DDX3Y: variants seen among roughly 807,000 people sequenced by gnomAD.
DDX3Y encodes DEAD-box helicase 3 Y-linked, also known as ATP-dependent RNA helicase DDX3Y.
A neutral mutation model predicts 15.1 loss-of-function variants in DDX3Y; 2 were observed. That is an observed-to-expected ratio of 0.13 (90% CI 0.05 to 0.42). The LOEUF (loss-of-function observed/expected upper bound fraction) is 0.42, where lower values mean the gene tolerates loss of function less well. Among genes scored for constraint, DDX3Y ranks in the 10% least tolerant of loss-of-function variants. DDX3Y has a pLI of 0.99. For synonymous variants in DDX3Y, 47 were observed against 45.0 expected (o/e 1.04, Z -0.18); for missense variants, 81 against 149.9 (o/e 0.54, Z 2.40).
chrY:12,907,718 A>G (rs2148296614), intron 2 of DDX3Y, 124 bp downstream of exon 2: 1 of 113,297 alleles, frequency 8.8e-6, no homozygotes, highest in Non-Finnish European at 1.6e-5. Flanking sequence ...AATATGAGAT[A>G]TTTTGGTGTG....
Position 12,910,151 on chromosome Y carries a change from C to T in DDX3Y, c.151+744C>T, listed in dbSNP as rs781205571. On this transcript the variant is annotated intron_variant, in intron 3 of 16. Coordinates refer to ENST00000336079, the MANE Select transcript of DDX3Y (RefSeq NM_004660.5). The stretch of plus-strand genomic sequence containing the variant: ...TTAGCTAATGATTGTATTATTTTTT[C>T]AGAATAACTGGAGAATTGTTATTCT... 1.5e-4 allele frequency among the ~76,000 whole-genome samples: 5 copies of T among 32,959 alleles called. No homozygotes were observed. In the South Asian group the frequency reaches 3.3e-3, roughly 22 times the overall value. 88.4% of individuals were successfully genotyped at this position (32,959 alleles called of 37,273 possible). A position where few individuals can be genotyped will look rare whatever the true frequency, so the allele number is the denominator to read the frequency against.
intron 1 of DDX3Y, chrY:12,905,597 G>A: frequency 9.6e-6 from 1 of 103,744 alleles, no homozygotes; most frequent in Non-Finnish European, 2.0e-5. Context: ...AACGTAACAA[G>A]TATCCTGTAT....
At position 12,904,918 on chromosome Y, in the gene DDX3Y, T is replaced by A. The variant is rs777777217; in HGVS notation, c.-19T>A. ...TCACACCTACAGTGGACTACCCGAT[T>A]TTTCGCTTCTCTTCAGGGATGAGTC... On this transcript the variant is annotated 5_prime_UTR_variant, in exon 1 of 17. Transcript: ENST00000336079. The A allele has an allele frequency of 2.5e-6, 1 of 396,933 alleles. No individual in the cohort carries two copies. Among genetic ancestry groups the A allele is most frequent in the Non-Finnish European group, 3.5e-6 (1 of 282,861 alleles).
intron 1 of DDX3Y, chrY:12,905,815 G>A: frequency 6.5e-6 from 2 of 306,089 alleles, no homozygotes; most frequent in African/African-American, 7.1e-5. Flanking sequence ...ACACCTGGAA[G>A]GTTAGAGATC....
At chrY:12,917,590 T>C (rs1298904272) in intron 16 of DDX3Y, 48 bp downstream of exon 16, 2 of 341,416 alleles carry the variant, frequency 5.9e-6, no homozygotes, top group East Asian at 1.1e-4. Flanking sequence ...TTTCTTTTTT[T>C]TTTTTTTTTG....
rs2053637707 is a variant in DDX3Y at position 12,914,064 on chromosome Y, ATCT to A, written c.673+216_673+218del. Among the ~76,000 whole-genome samples the A allele has an allele frequency of 8.7e-5, 3 of 34,322 alleles. No homozygotes were observed. The South Asian group carries it at 1.9e-3, about 21-fold the overall frequency. 92.1% of individuals were successfully genotyped at this position (34,322 alleles called of 37,273 possible). A position where few individuals can be genotyped will look rare whatever the true frequency, so the allele number is the denominator to read the frequency against. On this transcript the variant is annotated intron_variant, in intron 7 of 16. Transcript: ENST00000336079. ...ACATCTTGAGGAAGCTTATGGCAAA[ATCT>A]TCTTTAAGAAATAGAACTGCGTATT...
At position 12,918,573 on chromosome Y, in the gene DDX3Y, G is replaced by A. The variant is rs2053657835; in HGVS notation, c.*451G>A. The A allele has an allele frequency of 2.9e-5, 1 of 33,977 alleles. No homozygotes were observed. The highest frequency in any genetic ancestry group is 7.3e-5 in the Non-Finnish European group (1 of 13,781). 8.5% of individuals were successfully genotyped at this position (33,977 alleles called of 400,897 possible). A position where few individuals can be genotyped will look rare whatever the true frequency, so the allele number is the denominator to read the frequency against. On this transcript the variant is annotated 3_prime_UTR_variant, in exon 17 of 17. Transcript: ENST00000336079. Reference sequence around the variant, plus strand: ...CAGAGGTATGATACAACTTTAACAGGAGTCATCAATTCATCCATAAATATA... The same window carrying A: ...CAGAGGTATGATACAACTTTAACAGAAGTCATCAATTCATCCATAAATATA...
upstream of DDX3Y, among the ~76,000 whole-genome samples, chrY:12,904,632 G>A: frequency 3.0e-5 from 1 of 33,747 alleles, no homozygotes; most frequent in African/African-American, 1.2e-4. Context: ...ATTAGGAGAG[G>A]GCGGGGATAG....
rs753324813 is a variant in DDX3Y, at chrY:12,917,027, A to G, written c.1730A>G (p.His577Arg). ...TTGGAAAATATGGCTTATGAACACC[A>G]CTACAAGGGTGGCAGTCGTGGACGA... is the stretch of plus-strand genomic sequence containing the variant. ...SWLENMAYEH[H>R]YKGGSRGRSK... Residue 577 changes from histidine (H) to arginine (R), a missense_variant, in exon 15 of 17, where the codon CAC (histidine) becomes CGC (arginine). By Grantham distance (29) the His-to-Arg change is conservative. This residue lies in a region of DDX3Y where 52 missense variants were observed against 122.8 expected (regional missense o/e 0.42). Transcript: ENST00000336079. The G allele has an allele frequency of 2.5e-6, 1 of 398,331 alleles. No homozygotes were observed. Among genetic ancestry groups the G allele is most frequent in the Non-Finnish European group, 3.5e-6 (1 of 283,060 alleles).
chrY:12,906,378 C>T (rs2053611688), intron 1 of DDX3Y, among the ~76,000 whole-genome samples: 1 of 33,433 alleles, frequency 3.0e-5, no homozygotes, highest in Non-Finnish European at 7.4e-5. Flanking sequence ...CCACTGACGA[C>T]GTATTAACGC....
chrY:12,909,994 C>G, intron 3 of DDX3Y, among the ~76,000 whole-genome samples: 3 of 32,632 alleles, frequency 9.2e-5, no homozygotes, highest in Non-Finnish European at 1.5e-4. Context: ...CAAAAAAATT[C>G]TAGGAGAAGG....
rs759702531 is a variant in DDX3Y at position 12,908,545 on chromosome Y, A to G, written c.104-815A>G. Among the ~76,000 whole-genome samples the G allele has an allele frequency of 1.5e-4, 5 of 34,482 alleles. No individual in the cohort carries two copies. The East Asian group carries it at 3.0e-3, about 21-fold the overall frequency. The allele number at this position is 34,482 out of a possible 37,273, so 92.5% of individuals were successfully genotyped here. ...AAAATCAGGTAGTTAAGTACTGTCT[A>G]CTTCATAAGTTCTTTTACTTCTTAA... On this transcript the variant is annotated intron_variant, in intron 2 of 16. Transcript: ENST00000336079.
chrY:12,908,830 C>A, intron 2 of DDX3Y, among the ~76,000 whole-genome samples: 1 of 32,981 alleles, frequency 3.0e-5, no homozygotes, highest in Non-Finnish European at 7.5e-5. Context: ...CTGCAGGTGC[C>A]GGCCACCATG....
chrY:12,906,724 G>T (rs2053612642), intron 1 of DDX3Y, among the ~76,000 whole-genome samples: 1 of 32,450 alleles, frequency 3.1e-5, no homozygotes, highest in South Asian at 6.9e-4. Context: ...AACGTACATG[G>T]TTTTTTCCCC....
At chrY:12,907,819 C>T (rs2053616603) in intron 2 of DDX3Y, among the ~76,000 whole-genome samples, 1 of 33,395 alleles carries the variant, frequency 3.0e-5, no homozygotes, top group African/African-American at 1.2e-4. Context: ...GTCCCAGCTA[C>T]TCATGAGGCT....
Position 12,915,598 on chromosome Y carries a change from A to G in DDX3Y, c.1020-32A>G, listed in dbSNP as rs9341304. The G allele has an allele frequency of 2.4e-5, 9 of 381,869 alleles. No individual in the cohort carries two copies. The Admixed American group carries it at 6.7e-4, about 28-fold the overall frequency. On this transcript the variant is annotated intron_variant, in intron 10 of 16. Transcript: ENST00000336079. ...TAGTAATTAGTTTCTCAGATCTAATAATCCAGTATCAACTGAGGGTTTTCG... is the reference window on the plus strand; with the variant it reads ...TAGTAATTAGTTTCTCAGATCTAATGATCCAGTATCAACTGAGGGTTTTCG...
rs2053657370 is a variant in DDX3Y at position 12,918,434 on chromosome Y, T to C, written c.*312T>C. 1 of 44,739 alleles carries C rather than the reference T, an allele frequency of 2.2e-5. No homozygotes were observed. Among genetic ancestry groups the C allele is most frequent in the African/African-American group, 1.1e-4 (1 of 9,072 alleles). 11.2% of individuals were successfully genotyped at this position (44,739 alleles called of 400,897 possible). ...CGTTTGTTTGTTAACGTACTGTGAC[T>C]TTAACTTTAGACAACTTACTACTTT... On this transcript the variant is annotated 3_prime_UTR_variant, in exon 17 of 17. Transcript: ENST00000336079.
At position 12,913,801 on chromosome Y, in the gene DDX3Y, T is replaced by C; in HGVS notation, c.621T>C (p.His207=). ...CTCGTCCTACTCCAGTGCAAAAACA[T>C]GCCATTCCTATTATTAAGGGAAAAA... ...RYTRPTPVQK[H]AIPIIKGKRD... The change falls in exon 7 of 17, where the codon CAT becomes CAC. Residue 207 remains histidine, a synonymous_variant. Transcript: ENST00000336079. 2 of 397,497 alleles carry C rather than the reference T, an allele frequency of 5.0e-6. No homozygotes were observed. Among genetic ancestry groups the C allele is most frequent in the Non-Finnish European group, 3.5e-6 (1 of 282,361 alleles).
Position 12,904,973 on chromosome Y carries a change from G to C in DDX3Y, c.37G>C (p.Asp13His), listed in dbSNP as rs1475500284. The change falls in exon 1 of 17, where the codon GAC becomes CAC. Residue 13 changes from aspartate to histidine, a missense_variant. Around this residue, in one of 2 missense-constraint regions of DDX3Y, gnomAD observed 29 missense variants for 27.1 expected, o/e 1.07. Coordinates refer to ENST00000336079, the MANE Select transcript of DDX3Y (RefSeq NM_004660.5). ...GGTGGTGAAAAATGACCCTGAACTG[G>C]ACCAGCAGGTGAGTCAAAGTAAGCC... ...HVVVKNDPEL[D>H]QQLANLDLNS... The C allele has an allele frequency of 2.5e-6, 1 of 399,046 alleles. No homozygotes were observed. Among genetic ancestry groups the C allele is most frequent in the Non-Finnish European group, 3.5e-6 (1 of 283,481 alleles).
Sources: allele counts gnomAD v4.1 joint callset (sites outside exome capture counted in the v4.1 genomes callset), GRCh38; gene constraint gnomAD v4.1.1; regional missense constraint gnomAD v4.1.1; transcripts MANE v1.5; gene names NCBI Gene and HGNC (gene_info 2026-07-23, HGNC 2026-07-21).